Variants in PCGF6 observed in about 807,000 individuals in gnomAD.
PCGF6 encodes the protein polycomb group ring finger 6, also known as polycomb group RING finger protein 6.
PCGF6 carries 24 observed loss-of-function variants against 45.5 expected under a neutral mutation model. The ratio of observed to expected loss-of-function variants is 0.53; its 90% CI spans 0.38 to 0.74. The LOEUF (loss-of-function observed/expected upper bound fraction) is 0.74. Among genes scored for constraint, PCGF6 ranks in the 30% least tolerant of loss-of-function variants. PCGF6 has a pLI of 0.00. For missense variants in PCGF6, 356 were observed against 443.2 expected (o/e 0.80, Z 1.77); for synonymous variants, 152 against 162.1 (o/e 0.94, Z 0.47).
chr10:103,328,946 T>A (rs776581484), intron 7 of PCGF6, among the ~76,000 whole-genome samples: 11 of 151,656 alleles, frequency 7.3e-5, no homozygotes, highest in Non-Finnish European at 1.3e-4. Context: ...AGGGTTTCAC[T>A]GTGTTAGCCA....
At chr10:103,335,293 A>G (rs1182036513) in intron 6 of PCGF6, among the ~76,000 whole-genome samples, 1 of 151,276 alleles carries the variant, frequency 6.6e-6, no homozygotes, top group Non-Finnish European at 1.5e-5. Context: ...GCCTCAAGCC[A>G]TCCTTCTGCC....
chr10:103,303,983 A>G, intron 9 of PCGF6, 22 bp from the exon 10 acceptor site: 7 of 1,604,662 alleles, frequency 4.4e-6, no homozygotes, highest in Non-Finnish European at 6.0e-6. Context: ...AGAAAAAAAG[A>G]CGATTTTGCA....
chr10:103,307,702 G>C (rs1564721903), intron 9 of PCGF6, among the ~76,000 whole-genome samples: 1 of 151,944 alleles, frequency 6.6e-6, no homozygotes, highest in Non-Finnish European at 1.5e-5. Context: ...CAAACTCCTG[G>C]GCTCAAGTGA....
chr10:103,346,090 G>A (rs1254720133), intron 5 of PCGF6, among the ~76,000 whole-genome samples: 1 of 151,382 alleles, frequency 6.6e-6, no homozygotes, highest in Non-Finnish European at 1.5e-5. Context: ...CAGCTACTCA[G>A]GAGGCCAAGG....
rs1455261460 is a variant in PCGF6, at chr10:103,314,168, G to A, written c.996+18C>T. Reference sequence around the variant, plus strand: ...CTAAGTAACTTATCTGTTAGACATGGGTATGTCTATAACCTACCTGCATTG... The same window carrying A: ...CTAAGTAACTTATCTGTTAGACATGAGTATGTCTATAACCTACCTGCATTG... On this transcript the variant is annotated intron_variant, in intron 9 of 9. Coordinates refer to ENST00000369847, the MANE Select transcript of PCGF6 (RefSeq NM_001011663.2). 6.7e-7 allele frequency: 1 copy of A among 1,495,608 alleles called. No homozygotes were observed. Among genetic ancestry groups the A allele is most frequent in the Non-Finnish European group, 9.2e-7 (1 of 1,090,768 alleles). The allele number at this position is 1,495,608 out of a possible 1,614,324, so 92.6% of individuals were successfully genotyped here.
chr10:103,320,140 G>A (rs1171509777), intron 8 of PCGF6, among the ~76,000 whole-genome samples: 2 of 152,068 alleles, frequency 1.3e-5, no homozygotes, highest in Non-Finnish European at 2.9e-5. Context: ...GTTATGGCAG[G>A]ATTAACAAAA....
In PCGF6 at chr10:103,321,466, C is replaced by G. The variant is rs1270801304; in HGVS notation, c.909+5068G>C. ...CGGTGGCTCATGCCTGTAATCCCAGCACTTTGGGAGGCCAAGGTGGGCGGA... is the reference window on the plus strand; with the variant it reads ...CGGTGGCTCATGCCTGTAATCCCAGGACTTTGGGAGGCCAAGGTGGGCGGA... On this transcript the variant is annotated intron_variant, in intron 8 of 9. Transcript: ENST00000369847. Among the ~76,000 whole-genome samples, 3 of 152,134 alleles carry G rather than the reference C, an allele frequency of 2.0e-5. No homozygotes were observed. In the East Asian group the frequency reaches 5.8e-4, roughly 29 times the overall value.
At position 103,350,915 on chromosome 10, in the gene PCGF6, G is replaced by A. The variant is rs986072436; in HGVS notation, c.152C>T (p.Thr51Met). The A allele has an allele frequency of 7.3e-6, 11 of 1,514,276 alleles. No individual in the cohort carries two copies. In the Admixed American group the frequency reaches 1.4e-4, roughly 19 times the overall value. The allele number at this position is 1,514,276 out of a possible 1,614,324, so 93.8% of individuals were successfully genotyped here. Residue 51 changes from threonine to methionine, a missense_variant, in exon 1 of 10, where the codon ACG becomes ATG. Transcript: ENST00000369847. Reference protein sequence around the residue: ...GEEGPAPLSETGAPGCSGSRP... With the variant: ...GEEGPAPLSEMGAPGCSGSRP... The stretch of plus-strand genomic sequence containing the variant: ...GGAGCCGGAGCAGCCGGGAGCCCCC[G>A]TCTCAGACAGAGGCGCCGGTCCCTC...
chr10:103,323,446 G>A (rs571778187), intron 8 of PCGF6, among the ~76,000 whole-genome samples: 16 of 152,098 alleles, frequency 1.1e-4, no homozygotes, highest in African/African-American at 2.9e-4. Flanking sequence ...ACAAGCATGC[G>A]CCACCACGCC....
At chr10:103,346,181 C>G (rs941008416) in intron 5 of PCGF6, among the ~76,000 whole-genome samples, 2 of 137,580 alleles carry the variant, frequency 1.5e-5, no homozygotes, top group African/African-American at 5.5e-5. Context: ...TGCGACAGAG[C>G]AAGTCCATCT....
At chr10:103,304,677 AC>A (rs1310418606) in intron 9 of PCGF6, among the ~76,000 whole-genome samples, 1 of 119,610 alleles carries the variant, frequency 8.4e-6, no homozygotes, top group African/African-American at 3.3e-5. Context: ...TTTTTTGAAG[AC>A]AGGGTCTTGC....
chr10:103,311,650 T>C (rs2093157844), intron 9 of PCGF6, among the ~76,000 whole-genome samples: 1 of 152,082 alleles, frequency 6.6e-6, no homozygotes, highest in African/African-American at 2.4e-5. Flanking sequence ...CCATATGTTT[T>C]CTATACTTAA....
At chr10:103,311,546 C>T (rs1337009375) in intron 9 of PCGF6, among the ~76,000 whole-genome samples, 2 of 150,532 alleles carry the variant, frequency 1.3e-5, no homozygotes, top group Non-Finnish European at 3.0e-5. Context: ...GGGCTTGAAG[C>T]GATTCTCCCA....
At chr10:103,309,281 T>C (rs1396825349) in intron 9 of PCGF6, among the ~76,000 whole-genome samples, 1 of 152,110 alleles carries the variant, frequency 6.6e-6, no homozygotes, top group African/African-American at 2.4e-5. Context: ...ATCCCCAATG[T>C]TGGAGGTGGG....
At chr10:103,326,426 AAACAAAAAT>A in intron 8 of PCGF6, 99 bp downstream of exon 8, 1 of 719,422 alleles carries the variant, frequency 1.4e-6, no homozygotes, top group South Asian at 2.6e-5. Flanking sequence ...CAACATCATA[AAACAAAAAT>A]AACAAAAATA....
At chr10:103,330,084 G>GT (rs546668217) in intron 7 of PCGF6, among the ~76,000 whole-genome samples, 96 of 145,356 alleles carry the variant, frequency 6.6e-4, no homozygotes, top group Middle Eastern at 3.5e-3. Context: ...TTGTTTGTTT[G>GT]TTTTTTTTTT....
chr10:103,330,321 C>A (rs903084642), intron 7 of PCGF6, among the ~76,000 whole-genome samples: 1 of 151,972 alleles, frequency 6.6e-6, no homozygotes, highest in Non-Finnish European at 1.5e-5. Context: ...GTGATCCTCC[C>A]GTCCTGGTCT....
At chr10:103,345,394 T>C (rs1260496513) in intron 5 of PCGF6, among the ~76,000 whole-genome samples, 1 of 152,142 alleles carries the variant, frequency 6.6e-6, no homozygotes, top group Non-Finnish European at 1.5e-5. Flanking sequence ...CAGCAACATG[T>C]GTAGACAACC....
intron 7 of PCGF6, among the ~76,000 whole-genome samples, chr10:103,328,838 G>A (rs2093228806): frequency 6.6e-6 from 1 of 151,874 alleles, no homozygotes; most frequent in Admixed American, 6.6e-5. Context: ...TGCAACCTCT[G>A]CCTTCCGGAT....
Sources: allele counts gnomAD v4.1 joint callset (sites outside exome capture counted in the v4.1 genomes callset), GRCh38; gene constraint gnomAD v4.1.1; transcripts MANE v1.5; gene names NCBI Gene and HGNC (gene_info 2026-07-23, HGNC 2026-07-21).